NAP1L4: variants seen among roughly 807,000 people sequenced by gnomAD.
NAP1L4 encodes the protein nucleosome assembly protein 1 like 4.
Under a neutral mutation model 58.2 loss-of-function variants are expected in NAP1L4, and 15 were observed. That is an observed-to-expected ratio of 0.26 (90% CI 0.17 to 0.40). The LOEUF is 0.40. NAP1L4 is among the 10% of genes least tolerant of loss of function. NAP1L4 has a pLI of 1.00. For missense variants in NAP1L4, 384 were observed against 451.1 expected (o/e 0.85, Z 1.35); for synonymous variants, 171 against 155.6 (o/e 1.10, Z -0.74).
In NAP1L4 at chr11:2,945,533, T is replaced by C; in HGVS notation, c.*146A>G. 1 of 1,304,674 alleles carries C rather than the reference T, an allele frequency of 7.7e-7. No homozygotes were observed. The highest frequency in any genetic ancestry group is 1.1e-6 in the Non-Finnish European group (1 of 942,230). 80.8% of individuals were successfully genotyped at this position (1,304,674 alleles called of 1,614,324 possible). A position where few individuals can be genotyped will look rare whatever the true frequency, so the allele number is the denominator to read the frequency against. ...GTAAGCTCTGTCCACGGGATTGTGC[T>C]GCGGCAAGGACCGAGGCCCCGCCCA... On this transcript the variant is annotated 3_prime_UTR_variant, in exon 16 of 16. Coordinates refer to ENST00000380542, the MANE Select transcript of NAP1L4 (RefSeq NM_005969.4).
rs370949466 is a variant in NAP1L4 at position 2,963,646 on chromosome 11, C to T, written c.606+1034G>A. ...AGTGAAGAAATCCCACTCCTAGTGG[C>T]CCTCATCCATTAGCCCAGGCCCCAG... On this transcript the variant is annotated intron_variant, in intron 8 of 15. Coordinates refer to ENST00000380542, the MANE Select transcript of NAP1L4 (RefSeq NM_005969.4). The T allele has an allele frequency of 3.7e-4, 172 of 462,282 alleles. 1 individual carries two copies. The highest frequency in any genetic ancestry group is 3.2e-3 in the African/African-American group (159 of 50,472). 28.6% of individuals were successfully genotyped at this position (462,282 alleles called of 1,614,324 possible).
At position 2,946,608 on chromosome 11, in the gene NAP1L4, A is replaced by G. The variant is rs2133887570; in HGVS notation, c.*33-962T>C. ...AGATCCCTGGGTTACCATAAATGAT[A>G]TCTTCCACAGTATAAGCTGAGGCTA... On this transcript the variant is annotated intron_variant, in intron 15 of 15. Coordinates refer to ENST00000380542, the MANE Select transcript of NAP1L4 (RefSeq NM_005969.4). The surrounding 1 kb of genome is among the most constrained non-coding windows in gnomAD (Gnocchi z 4.8). Among the ~76,000 whole-genome samples, 1 of 152,364 alleles carries G rather than the reference A, an allele frequency of 6.6e-6. No individual in the cohort carries two copies. The highest frequency in any genetic ancestry group is 2.4e-5 in the African/African-American group (1 of 41,596).
In NAP1L4 at chr11:2,954,352, T is replaced by C. The variant is rs370641345; in HGVS notation, c.1035+175A>G. 1.0e-3 allele frequency: 984 copies of C among 941,754 alleles called. 18 individuals carry two copies. The South Asian group carries it at 0.013, about 13-fold the overall frequency. 58.3% of individuals were successfully genotyped at this position (941,754 alleles called of 1,614,324 possible). Reference sequence around the variant, plus strand: ...CTTTTCCTGCTCTGTTCCTCAGACTTCTCCTCTTCAAGCGTATTCCCCCCA... The same window carrying C: ...CTTTTCCTGCTCTGTTCCTCAGACTCCTCCTCTTCAAGCGTATTCCCCCCA... On this transcript the variant is annotated intron_variant, in intron 12 of 15. Coordinates refer to ENST00000380542, the MANE Select transcript of NAP1L4 (RefSeq NM_005969.4). This position sits in a 1 kb window ranked among gnomAD's most constrained non-coding sequence, Gnocchi z 4.8.
intron 6 of NAP1L4, among the ~76,000 whole-genome samples, 190 bp from the exon 7 acceptor site, chr11:2,970,124 G>A (rs1847551895): frequency 6.6e-6 from 1 of 152,186 alleles, no homozygotes. Context: ...AAGCATTCAA[G>A]TCATTACATC....
rs78458774 is a variant in NAP1L4, at chr11:2,946,094, G to A, written c.*33-448C>T. On this transcript the variant is annotated intron_variant, in intron 15 of 15. Coordinates refer to ENST00000380542, the MANE Select transcript of NAP1L4 (RefSeq NM_005969.4). This position sits in a 1 kb window ranked among gnomAD's most constrained non-coding sequence, Gnocchi z 4.8. ...TCAAGGGCACATCTGTCTGGGGGTA[G>A]GCTGGGCCCTTGGCGCTCATGGAAA... is the stretch of plus-strand genomic sequence containing the variant. 0.016 allele frequency among the ~76,000 whole-genome samples: 2,390 copies of A among 152,286 alleles called. 69 individuals are homozygous for A. The highest frequency in any genetic ancestry group is 0.055 in the African/African-American group (2,265 of 41,534).
At chr11:2,977,758 GAT>G (rs1848051520) in intron 3 of NAP1L4, among the ~76,000 whole-genome samples, 2 of 151,422 alleles carry the variant, frequency 1.3e-5, no homozygotes, top group South Asian at 4.2e-4. Flanking sequence ...GGGGAGTACA[GAT>G]ATAGTTTTTT....
At chr11:2,967,620 A>AAG (rs1234093858) in intron 7 of NAP1L4, among the ~76,000 whole-genome samples, 1 of 150,762 alleles carries the variant, frequency 6.6e-6, no homozygotes, top group Admixed American at 6.6e-5. Context: ...AAAAAAAAAA[A>AAG]AAAAGAAAAT....
intron 15 of NAP1L4, 93 bp from the exon 16 acceptor site, chr11:2,945,739 T>G (rs1359877926): frequency 2.9e-6 from 3 of 1,025,022 alleles, no homozygotes; most frequent in Non-Finnish European, 4.1e-6. Context: ...ACTGAATGAG[T>G]TCATTCTCAT....
In NAP1L4 at chr11:2,972,089, C is replaced by T; in HGVS notation, c.315+13G>A. Reference sequence around the variant, plus strand: ...GAAAACTATCTGTATATTAAATTAACAGAGCTCCCTACCTTGTCAAAGAGA... The same window carrying T: ...GAAAACTATCTGTATATTAAATTAATAGAGCTCCCTACCTTGTCAAAGAGA... On this transcript the variant is annotated intron_variant, in intron 5 of 15. Transcript: ENST00000380542. 6.5e-7 allele frequency: 1 copy of T among 1,529,972 alleles called. No individual in the cohort carries two copies. The highest frequency in any genetic ancestry group is 8.7e-7 in the Non-Finnish European group (1 of 1,146,174). 94.8% of individuals were successfully genotyped at this position (1,529,972 alleles called of 1,614,324 possible).
At chr11:2,978,221 T>C in intron 3 of NAP1L4, 63 bp downstream of exon 3, 1 of 1,488,836 alleles carries the variant, frequency 6.7e-7, no homozygotes, top group Non-Finnish European at 9.3e-7. Flanking sequence ...CATTAATAAA[T>C]GTTTCCAGAG....
At position 2,955,563 on chromosome 11, in the gene NAP1L4, G is replaced by C. The variant is rs1202819072; in HGVS notation, c.915+181C>G. ...GATGGGGTTGTGCTATGTTGCCCAGGCTGGTCTCAAACTCCTGGACTCGTG... is the reference window on the plus strand; with the variant it reads ...GATGGGGTTGTGCTATGTTGCCCAGCCTGGTCTCAAACTCCTGGACTCGTG... On this transcript the variant is annotated intron_variant, in intron 11 of 15. Coordinates refer to ENST00000380542, the MANE Select transcript of NAP1L4 (RefSeq NM_005969.4). This position sits in a 1 kb window ranked among gnomAD's most constrained non-coding sequence, Gnocchi z 4.2. 6.6e-6 allele frequency among the ~76,000 whole-genome samples: 1 copy of C among 151,872 alleles called. No homozygotes were observed. The highest frequency in any genetic ancestry group is 2.4e-5 in the African/African-American group (1 of 41,320).
chr11:2,973,456 G>A (rs1286495672), intron 4 of NAP1L4, among the ~76,000 whole-genome samples: 1 of 152,110 alleles, frequency 6.6e-6, no homozygotes, highest in African/African-American at 2.4e-5. Context: ...CACAATCAGA[G>A]TCTTCAAGTC....
At chr11:2,961,773 C>G (rs886206470) in intron 8 of NAP1L4, among the ~76,000 whole-genome samples, 2 of 152,294 alleles carry the variant, frequency 1.3e-5, no homozygotes, top group Non-Finnish European at 1.5e-5. Context: ...GTCAAGCAAT[C>G]CTCCCACCTT....
intron 14 of NAP1L4, among the ~76,000 whole-genome samples, chr11:2,950,026 A>G (rs1231676534): frequency 6.6e-6 from 1 of 152,254 alleles, no homozygotes; most frequent in Non-Finnish European, 1.5e-5. Context: ...TGGGTCCATC[A>G]GACACCCCGC....
intron 1 of NAP1L4, among the ~76,000 whole-genome samples, chr11:2,982,442 AG>A (rs1456404023): frequency 6.6e-6 from 1 of 152,218 alleles, no homozygotes; most frequent in Non-Finnish European, 1.5e-5. Context: ...TCACCCTATC[AG>A]TAACACCTCG....
In NAP1L4 at chr11:2,979,124, CTAAT is replaced by C. The variant is rs1455236778; in HGVS notation, c.14+79_14+82del. ...CGCTGAAATGCATTTAACTTTGATTCTAATTATTTATTGAAAAATGGCTTGGCTG... is the reference window on the plus strand; with the variant it reads ...CGCTGAAATGCATTTAACTTTGATTCTATTTATTGAAAAATGGCTTGGCTG... On this transcript the variant is annotated intron_variant, in intron 2 of 15. Transcript: ENST00000380542. 2.9e-5 allele frequency: 40 copies of C among 1,384,886 alleles called. No individual in the cohort carries two copies. The African/African-American group carries it at 5.3e-4, about 18-fold the overall frequency. 85.8% of individuals were successfully genotyped at this position (1,384,886 alleles called of 1,614,324 possible).
rs563313577 is a variant in NAP1L4 at position 2,969,443 on chromosome 11, C to A, written c.534+360G>T. 3.3e-5 allele frequency among the ~76,000 whole-genome samples: 5 copies of A among 152,286 alleles called. No individual in the cohort carries two copies. The South Asian group carries it at 1.0e-3, about 32-fold the overall frequency. On this transcript the variant is annotated intron_variant, in intron 7 of 15. Coordinates refer to ENST00000380542, the MANE Select transcript of NAP1L4 (RefSeq NM_005969.4). ...CTCTGGTCTCCTGCCCTCACCCTTTCCTGCACACTCACACCACAGGAAGAC... is the reference window on the plus strand; with the variant it reads ...CTCTGGTCTCCTGCCCTCACCCTTTACTGCACACTCACACCACAGGAAGAC...
At position 2,951,745 on chromosome 11, in the gene NAP1L4, G is replaced by A. The variant is rs1846239574; in HGVS notation, c.1065+35C>T. 6.2e-7 allele frequency: 1 copy of A among 1,610,022 alleles called. No individual in the cohort carries two copies. Among genetic ancestry groups the A allele is most frequent in the Non-Finnish European group, 8.5e-7 (1 of 1,176,706 alleles). ...GAGAAAGCCAAAGAAACAACTTCAG[G>A]GAGGTAAGTGGCACTGCATAAACCT... On this transcript the variant is annotated intron_variant, in intron 13 of 15. Transcript: ENST00000380542. This position sits in a 1 kb window ranked among gnomAD's most constrained non-coding sequence, Gnocchi z 4.0.
In NAP1L4 at chr11:2,951,354, T is replaced by C. The variant is rs773833367; in HGVS notation, c.1066-39A>G. On this transcript the variant is annotated intron_variant, in intron 13 of 15. Transcript: ENST00000380542. The surrounding 1 kb of genome is among the most constrained non-coding windows in gnomAD (Gnocchi z 4.0). Reference sequence around the variant, plus strand: ...GTGAGAATTAGCTGGAATGACAAGATTTAAACTCTTGTGGCATTCACAATC... The same window carrying C: ...GTGAGAATTAGCTGGAATGACAAGACTTAAACTCTTGTGGCATTCACAATC... 8 of 1,564,666 alleles carry C rather than the reference T, an allele frequency of 5.1e-6. No homozygotes were observed. Among genetic ancestry groups the C allele is most frequent in the African/African-American group, 1.4e-5 (1 of 73,910 alleles).
Sources: gnomAD v4.1 joint callset for allele counts (sites outside exome capture counted in the v4.1 genomes callset) on GRCh38, gnomAD v4.1.1 for gene constraint, Gnocchi (gnomAD v3.1) non-coding constraint, MANE v1.5 for transcripts, NCBI Gene and HGNC (gene_info 2026-07-23, HGNC 2026-07-21) for gene names.